Variants in TCERG1L observed in about 807,000 individuals in gnomAD.
TCERG1L encodes transcription elongation regulator 1-like protein.
A neutral mutation model predicts 56.3 loss-of-function variants in TCERG1L; 37 were observed. The ratio of observed to expected loss-of-function variants is 0.66; its 90% CI spans 0.51 to 0.87. TCERG1L has a LOEUF of 0.87. Among genes scored for constraint, TCERG1L ranks in the 40% least tolerant of loss-of-function variants. The probability of loss-of-function intolerance (pLI) is 0.00; values close to 1 mark genes in which losing one functional copy is unlikely to be tolerated. For synonymous variants in TCERG1L, 324 were observed against 326.3 expected (o/e 0.99, Z 0.08); for missense variants, 799 against 774.2 (o/e 1.03, Z -0.38).
At chr10:131,251,492 C>G (rs1209311625) in intron 4 of TCERG1L, among the ~76,000 whole-genome samples, 1 of 152,192 alleles carries the variant, frequency 6.6e-6, no homozygotes, top group Non-Finnish European at 1.5e-5. Flanking sequence ...ACCAGCCACC[C>G]TCACCCAAGC....
intron 3 of TCERG1L, among the ~76,000 whole-genome samples, chr10:131,269,149 C>A (rs1397211601): frequency 6.6e-6 from 1 of 151,946 alleles, no homozygotes. Context: ...AAAATGTAGT[C>A]GCCATTGTAA....
chr10:131,114,390 G>C lies in TCERG1L; in HGVS notation c.1395+2409C>G, dbSNP rs1262412183. Among the ~76,000 whole-genome samples, 2 of 140,728 alleles carry C rather than the reference G, an allele frequency of 1.4e-5. 1 individual carries two copies. The highest frequency in any genetic ancestry group is 3.2e-5 in the Non-Finnish European group (2 of 62,784). The allele number at this position is 140,728 out of a possible 152,430, so 92.3% of individuals were successfully genotyped here. ...CTTTATAATATTAGCAGTAAATTTG[G>C]ATTGATCTTTTCTACTCATGAGGTC... On this transcript the variant is annotated intron_variant, in intron 9 of 11. Coordinates refer to ENST00000368642, the MANE Select transcript of TCERG1L (RefSeq NM_174937.4).
In TCERG1L at chr10:131,202,208, C is replaced by A. The variant is rs1032805811; in HGVS notation, c.857-35323G>T. Among the ~76,000 whole-genome samples, 5 of 152,220 alleles carry A rather than the reference C, an allele frequency of 3.3e-5. 1 individual carries two copies. Among genetic ancestry groups the A allele is most frequent in the Admixed American group, 2.6e-4 (4 of 15,284 alleles). On this transcript the variant is annotated intron_variant, in intron 4 of 11. Transcript: ENST00000368642. ...ACGCTCAACTGATTGTAACAGCCCA[C>A]GTTAGAAACAGACTGATGCCCCCAA...
At chr10:131,150,943 G>A (rs1220171606) in intron 6 of TCERG1L, among the ~76,000 whole-genome samples, 1 of 152,180 alleles carries the variant, frequency 6.6e-6, no homozygotes, top group Admixed American at 6.5e-5. Flanking sequence ...AGTGCCAGCA[G>A]GGGAAGTGCC....
At chr10:131,290,318 A>G (rs938729501) in intron 3 of TCERG1L, among the ~76,000 whole-genome samples, 4 of 152,152 alleles carry the variant, frequency 2.6e-5, no homozygotes, top group Non-Finnish European at 5.9e-5. Context: ...CTATTGTTCA[A>G]TTTGAAGCCT....
At chr10:131,140,748 C>T (rs752066213) in intron 7 of TCERG1L, among the ~76,000 whole-genome samples, 21 of 152,110 alleles carry the variant, frequency 1.4e-4, no homozygotes, top group Admixed American at 3.3e-4. Context: ...CAAACAAGGG[C>T]GGGCACCAGG....
chr10:131,160,615 T>C (rs2918149), intron 6 of TCERG1L: 101,680 of 152,062 alleles, frequency 0.67, 34,921 homozygotes, highest in African/African-American at 0.83. Context: ...TGGACCAAGC[T>C]ACCTCCCACG....
rs945309115 is a variant in TCERG1L, at chr10:131,267,116, T to C, written c.671-6672A>G. On this transcript the variant is annotated intron_variant, in intron 3 of 11. Transcript: ENST00000368642. The surrounding 1 kb of genome is among the most constrained non-coding windows in gnomAD (Gnocchi z 4.9). ...GTCTGCCTCCTGCCACCACTCATCA[T>C]GCCCAGGCCGCTTGCACCCAGGGGT... is the stretch of plus-strand genomic sequence containing the variant. 2.6e-5 allele frequency among the ~76,000 whole-genome samples: 4 copies of C among 152,154 alleles called. No individual in the cohort carries two copies. The highest frequency in any genetic ancestry group is 2.4e-5 in the African/African-American group (1 of 41,452).
chr10:131,290,724 C>T (rs1846607143), intron 3 of TCERG1L, among the ~76,000 whole-genome samples: 1 of 150,632 alleles, frequency 6.6e-6, no homozygotes, highest in Non-Finnish European at 1.5e-5. Context: ...TGATTTTATT[C>T]ATGACTGAAG....
At position 131,270,926 on chromosome 10, in the gene TCERG1L, G is replaced by A. The variant is rs542207479; in HGVS notation, c.671-10482C>T. 9.2e-5 allele frequency among the ~76,000 whole-genome samples: 14 copies of A among 152,264 alleles called. No individual in the cohort carries two copies. In the East Asian group the frequency reaches 1.7e-3, roughly 19 times the overall value. On this transcript the variant is annotated intron_variant, in intron 3 of 11. Transcript: ENST00000368642. ...CCCCCTCCCCACACTGGCTGAAGTC[G>A]TGCCTCATCCATCTGACGCATCTGA...
At chr10:131,218,025 T>C (rs565327811) in intron 4 of TCERG1L, among the ~76,000 whole-genome samples, 28 of 152,220 alleles carry the variant, frequency 1.8e-4, no homozygotes, top group African/African-American at 6.5e-4. Flanking sequence ...CACCCGGCTG[T>C]AGCTGGCTTT....
intron 4 of TCERG1L, among the ~76,000 whole-genome samples, chr10:131,233,850 C>T (rs748995260): frequency 5.9e-5 from 9 of 152,232 alleles, no homozygotes; most frequent in Non-Finnish European, 1.2e-4. Flanking sequence ...GGGGTGGATC[C>T]CTCATAAATG....
At chr10:131,173,302 G>A (rs1426512332) in intron 4 of TCERG1L, among the ~76,000 whole-genome samples, 1 of 152,178 alleles carries the variant, frequency 6.6e-6, no homozygotes, top group Non-Finnish European at 1.5e-5. Flanking sequence ...ACTGAGAAAA[G>A]CAGACTAGGT....
At chr10:131,240,057 C>A (rs1024963100) in intron 4 of TCERG1L, among the ~76,000 whole-genome samples, 1 of 152,180 alleles carries the variant, frequency 6.6e-6, no homozygotes, top group African/African-American at 2.4e-5. Flanking sequence ...CTGGACCCCG[C>A]TGACTGTGCT....
chr10:131,119,116 C>T lies in TCERG1L; in HGVS notation c.1260-2182G>A, dbSNP rs563781299. On this transcript the variant is annotated intron_variant, in intron 8 of 11. Coordinates refer to ENST00000368642, the MANE Select transcript of TCERG1L (RefSeq NM_174937.4). The stretch of plus-strand genomic sequence containing the variant: ...AGGTCATCTAGTGGCCAGACCCGGC[C>T]GTCCAGGCCTCCCAACACCTGCCAA... 7.9e-5 allele frequency among the ~76,000 whole-genome samples: 12 copies of T among 152,284 alleles called. No individual in the cohort carries two copies. In the South Asian group the frequency reaches 1.9e-3, roughly 24 times the overall value.
At chr10:131,251,884 C>T (rs866362092) in intron 4 of TCERG1L, among the ~76,000 whole-genome samples, 9 of 152,194 alleles carry the variant, frequency 5.9e-5, no homozygotes, top group East Asian at 1.9e-4. Flanking sequence ...ATCCACACTC[C>T]GAACTATTTT....
At chr10:131,242,791 T>G (rs1173259720) in intron 4 of TCERG1L, among the ~76,000 whole-genome samples, 2 of 152,228 alleles carry the variant, frequency 1.3e-5, no homozygotes, top group Admixed American at 1.3e-4. Context: ...GCTGCACCTG[T>G]GTCTGTGTGT....
intron 7 of TCERG1L, among the ~76,000 whole-genome samples, chr10:131,144,613 C>A (rs554368127): frequency 5.3e-5 from 8 of 152,210 alleles, no homozygotes; most frequent in Admixed American, 2.0e-4. Context: ...GAAAACAAAT[C>A]TCTTCCTCTC....
At chr10:131,231,291 T>C (rs1316211168) in intron 4 of TCERG1L, among the ~76,000 whole-genome samples, 1 of 152,224 alleles carries the variant, frequency 6.6e-6, no homozygotes, top group African/African-American at 2.4e-5. Context: ...ATCATAGAGC[T>C]ACGCCATTGG....
Sources: allele counts gnomAD v4.1 joint callset (sites outside exome capture counted in the v4.1 genomes callset), GRCh38; gene constraint gnomAD v4.1.1; non-coding constraint Gnocchi (gnomAD v3.1); transcripts MANE v1.5; gene names NCBI Gene and HGNC (gene_info 2026-07-23, HGNC 2026-07-21).